ADAM10: variants seen among roughly 807,000 people sequenced by gnomAD.
ADAM10 encodes the protein disintegrin and metalloproteinase domain-containing protein 10.
A neutral mutation model predicts 90.1 loss-of-function variants in ADAM10; 17 were observed. The ratio of observed to expected loss-of-function variants is 0.19; its 90% CI spans 0.13 to 0.28. ADAM10 has a LOEUF of 0.28. Among genes scored for constraint, ADAM10 ranks in the 10% least tolerant of loss-of-function variants. ADAM10 has a pLI of 1.00. For synonymous variants in ADAM10, 310 were observed against 298.6 expected (o/e 1.04, Z -0.40); for missense variants, 610 against 914.3 (o/e 0.67, Z 4.29).
At chr15:58,749,346 G>T in intron 1 of ADAM10, 134 bp downstream of exon 1, 1 of 1,144,112 alleles carries the variant, frequency 8.7e-7, no homozygotes, top group Non-Finnish European at 1.1e-6. Context: ...CGGGGAGCGC[G>T]GCCCGCCAGA....
At chr15:58,599,778 G>T (rs1446198157) in intron 14 of ADAM10, 54 bp from the exon 15 acceptor site, 4 of 1,560,580 alleles carry the variant, frequency 2.6e-6, no homozygotes, top group Non-Finnish European at 1.8e-6. Flanking sequence ...AAATATTTTA[G>T]AGTATCTTTT....
intron 6 of ADAM10, among the ~76,000 whole-genome samples, chr15:58,644,947 C>T (rs1464341081): frequency 4.6e-5 from 7 of 152,106 alleles, no homozygotes; most frequent in African/African-American, 1.4e-4. Context: ...ATGATAAACC[C>T]AAAAGTATCC....
chr15:58,604,106 A>C (rs1895195571), intron 14 of ADAM10, among the ~76,000 whole-genome samples: 1 of 152,102 alleles, frequency 6.6e-6, no homozygotes, highest in Non-Finnish European at 1.5e-5. Flanking sequence ...TCATGTCTGT[A>C]ATCCTAGCAC....
intron 5 of ADAM10, among the ~76,000 whole-genome samples, chr15:58,651,774 G>C (rs974606678): frequency 6.6e-6 from 1 of 152,136 alleles, no homozygotes; most frequent in Non-Finnish European, 1.5e-5. Context: ...GCAGCAGTGG[G>C]ACTGCTGGAT....
intron 6 of ADAM10, among the ~76,000 whole-genome samples, chr15:58,644,719 C>T (rs1896506042): frequency 6.6e-6 from 1 of 152,220 alleles, no homozygotes. Context: ...CATTCCCTGA[C>T]TTTAATCCTT....
At chr15:58,673,594 C>G (rs1897247365) in intron 4 of ADAM10, among the ~76,000 whole-genome samples, 1 of 151,574 alleles carries the variant, frequency 6.6e-6, no homozygotes, top group East Asian at 1.9e-4. Flanking sequence ...CAGAAAAGAA[C>G]TTGATCTAAA....
chr15:58,731,436 T>C (rs747189787), intron 1 of ADAM10, among the ~76,000 whole-genome samples: 18 of 151,730 alleles, frequency 1.2e-4, no homozygotes, highest in Non-Finnish European at 2.2e-4. Context: ...CTGGGCAACA[T>C]AGCAAAGCCC....
intron 5 of ADAM10, among the ~76,000 whole-genome samples, chr15:58,657,291 CT>C (rs1896851054): frequency 6.6e-6 from 1 of 152,170 alleles, no homozygotes; most frequent in Non-Finnish European, 1.5e-5. Flanking sequence ...ACCCCTATCT[CT>C]TTCTCTACCT....
Position 58,708,463 on chromosome 15 carries a change from A to G in ADAM10, c.206+9114T>C, listed in dbSNP as rs1047947183. On this transcript the variant is annotated intron_variant, in intron 2 of 15. Coordinates refer to ENST00000260408, the MANE Select transcript of ADAM10 (RefSeq NM_001110.4). The stretch of plus-strand genomic sequence containing the variant: ...GATAGCTTGAGCCCAAGAGTTCGAG[A>G]CCGGCCCGGGCAACACAGCAAGAAG... Among the ~76,000 whole-genome samples, 4 of 152,178 alleles carry G rather than the reference A, an allele frequency of 2.6e-5. No individual in the cohort carries two copies. The South Asian group carries it at 8.3e-4, about 32-fold the overall frequency.
chr15:58,661,022 T>C (rs1596040504), intron 5 of ADAM10, among the ~76,000 whole-genome samples: 1 of 152,264 alleles, frequency 6.6e-6, no homozygotes, highest in South Asian at 2.1e-4. Flanking sequence ...TATCCATCTT[T>C]ATCACGGCAC....
chr15:58,655,741 T>TC (rs1566982502), intron 5 of ADAM10, among the ~76,000 whole-genome samples: 7 of 72,526 alleles, frequency 9.7e-5, no homozygotes, highest in African/African-American at 4.1e-4. Context: ...ATATATATAT[T>TC]CTTTTTTTTT....
chr15:58,702,894 C>T (rs1898172729), intron 2 of ADAM10, among the ~76,000 whole-genome samples: 1 of 152,050 alleles, frequency 6.6e-6, no homozygotes, highest in South Asian at 2.1e-4. Context: ...AAGATTGTCA[C>T]AATCCATAAA....
At chr15:58,619,095 C>T (rs1184585539) in intron 11 of ADAM10, among the ~76,000 whole-genome samples, 1 of 152,014 alleles carries the variant, frequency 6.6e-6, no homozygotes, top group Non-Finnish European at 1.5e-5. Context: ...CAGAATTAGT[C>T]TAAGTGTCCA....
At chr15:58,668,486 T>C (rs1183860546) in intron 4 of ADAM10, among the ~76,000 whole-genome samples, 4 of 152,274 alleles carry the variant, frequency 2.6e-5, no homozygotes, top group South Asian at 2.1e-4. Context: ...AAAAGAAATA[T>C]TGTTGCAGCC....
At chr15:58,599,491 G>A (rs1037749069) in intron 15 of ADAM10, 107 bp downstream of exon 15, 23 of 1,328,600 alleles carry the variant, frequency 1.7e-5, no homozygotes, top group African/African-American at 4.3e-5. Context: ...CCATTCTTAC[G>A]GAGAAAGTAC....
intron 14 of ADAM10, among the ~76,000 whole-genome samples, chr15:58,606,313 G>C (rs1483096145): frequency 6.6e-6 from 1 of 152,194 alleles, no homozygotes; most frequent in African/African-American, 2.4e-5. Flanking sequence ...ACAGCGATCT[G>C]CCAAGCAGAA....
At position 58,680,027 on chromosome 15, in the gene ADAM10, G is replaced by C. The variant is rs185467447; in HGVS notation, c.326-745C>G. Among the ~76,000 whole-genome samples the C allele has an allele frequency of 2.0e-5, 3 of 152,286 alleles. No individual in the cohort carries two copies. The East Asian group carries it at 5.8e-4, about 29-fold the overall frequency. Reference sequence around the variant, plus strand: ...AGCATCTTTTGAAAATTTTGCTACAGGTACCACAAGAAAAAAGCTCCTTTT... The same window carrying C: ...AGCATCTTTTGAAAATTTTGCTACACGTACCACAAGAAAAAAGCTCCTTTT... On this transcript the variant is annotated intron_variant, in intron 3 of 15. Coordinates refer to ENST00000260408, the MANE Select transcript of ADAM10 (RefSeq NM_001110.4).
Position 58,591,315 on chromosome 15 carries a change from C to T in ADAM10, c.*6232G>A, listed in dbSNP as rs1024704838. ...AGCTTGACTGGTTCAAGTTTAATTC[C>T]ACTAAAACAATCATTATGAAAATCA... On this transcript the variant is annotated 3_prime_UTR_variant, in exon 16 of 16. Coordinates refer to ENST00000260408, the MANE Select transcript of ADAM10 (RefSeq NM_001110.4). 6.6e-6 allele frequency: 1 copy of T among 152,138 alleles called. No homozygotes were observed. Among genetic ancestry groups the T allele is most frequent in the Non-Finnish European group, 1.5e-5 (1 of 68,036 alleles). The allele number at this position is 152,138 out of a possible 1,614,324, so 9.4% of individuals were successfully genotyped here.
chr15:58,637,149 C>T (rs185779279), intron 8 of ADAM10, among the ~76,000 whole-genome samples: 1 of 152,238 alleles, frequency 6.6e-6, no homozygotes, highest in Admixed American at 6.5e-5. Flanking sequence ...AAGTTCTGTA[C>T]GCTCTCAAAT....
Sources: allele counts gnomAD v4.1 joint callset (sites outside exome capture counted in the v4.1 genomes callset), GRCh38; gene constraint gnomAD v4.1.1; transcripts MANE v1.5; gene names NCBI Gene and HGNC (gene_info 2026-07-23, HGNC 2026-07-21).